Variants in CAPN8 observed in about 807,000 individuals in gnomAD.
CAPN8 encodes calpain-8.
Under a neutral mutation model 80.9 loss-of-function variants are expected in CAPN8, and 87 were observed. That is an observed-to-expected ratio of 1.07 (90% CI 0.90 to 1.28). The LOEUF is 1.28. Ranked by LOEUF, CAPN8 falls within the 50% of genes most tolerant of loss-of-function variation. The pLI is 0.00. For synonymous variants in CAPN8, 299 were observed against 273.8 expected (o/e 1.09, Z -0.91); for missense variants, 757 against 702.0 (o/e 1.08, Z -0.89).
In CAPN8 at chr1:223,622,798, G is replaced by C. The variant is rs978726414; in HGVS notation, c.899+17C>G. 30 of 1,544,556 alleles carry C rather than the reference G, an allele frequency of 1.9e-5. No individual in the cohort carries two copies. Among genetic ancestry groups the C allele is most frequent in the Non-Finnish European group, 2.5e-5 (28 of 1,140,514 alleles). On this transcript the variant is annotated intron_variant, in intron 7 of 20. Transcript: ENST00000366872. ...CAGAGGGAGAGATGACTGGAGAAGCGGGGGAAAAAAACCTACTCATCGCTC... is the reference window on the plus strand; with the variant it reads ...CAGAGGGAGAGATGACTGGAGAAGCCGGGGAAAAAAACCTACTCATCGCTC...
In CAPN8 at chr1:223,612,246, C is replaced by G. The variant is rs1657047138; in HGVS notation, c.1323G>C (p.Glu441Asp). 8.1e-7 allele frequency: 1 copy of G among 1,234,182 alleles called. No homozygotes were observed. The highest frequency in any genetic ancestry group is 4.1e-5 in the South Asian group (1 of 24,414). 76.5% of individuals were successfully genotyped at this position (1,234,182 alleles called of 1,614,324 possible). ...GGAATCTCTGTCAGCACTCACATAC[C>G]TCCTTGGGAACCTGTGGGGCAGAAG... is the stretch of plus-strand genomic sequence containing the variant. The part of the protein sequence containing the change: ...IGYAVYQVPK[E>D]LESHTDAHLG... The change falls in exon 11 of 21, where the codon GAG (glutamate) becomes GAC (aspartate). Residue 441 changes from glutamate to aspartate, a missense_variant and splice_region_variant. Glu to Asp is a conservative substitution (Grantham distance 45). Transcript: ENST00000366872.
intron 1 of CAPN8, among the ~76,000 whole-genome samples, chr1:223,663,087 C>T (rs1658693048): frequency 6.6e-6 from 1 of 152,200 alleles, no homozygotes; most frequent in South Asian, 2.1e-4. Flanking sequence ...TTCAATTGCA[C>T]CTTCCGCATT....
chr1:223,638,272 A>G lies in CAPN8; in HGVS notation c.308-9492T>C, dbSNP rs111737235. Among the ~76,000 whole-genome samples the G allele has an allele frequency of 4.7e-3, 714 of 152,302 alleles. 8 individuals are homozygous for G. Among genetic ancestry groups the G allele is most frequent in the African/African-American group, 0.017 (696 of 41,564 alleles). On this transcript the variant is annotated intron_variant, in intron 2 of 20. Transcript: ENST00000366872. ...GCTATCTGCAAATACTACATCATTC[A>G]TATCAGGGACTTGAGCATCTGTGGA...
chr1:223,651,449 TC>T (rs1658339847), intron 2 of CAPN8, among the ~76,000 whole-genome samples: 1 of 152,192 alleles, frequency 6.6e-6, no homozygotes, highest in African/African-American at 2.4e-5. Flanking sequence ...AAATATGTCT[TC>T]AAGAAAAGCC....
chr1:223,649,412 G>A (rs1236746767), intron 2 of CAPN8, among the ~76,000 whole-genome samples: 2 of 152,176 alleles, frequency 1.3e-5, no homozygotes, highest in Non-Finnish European at 1.5e-5. Flanking sequence ...TGAGCACTGT[G>A]TTCCTTTTTC....
intron 5 of CAPN8, among the ~76,000 whole-genome samples, chr1:223,626,140 C>T (rs568412682): frequency 6.6e-6 from 1 of 152,278 alleles, no homozygotes; most frequent in East Asian, 1.9e-4. Context: ...AAAATGCCAC[C>T]AAGAAACTGG....
rs1324698672 is a variant in CAPN8 at position 223,620,275 on chromosome 1, A to G, written c.900-9T>C. ...GATTCCACTCTGGTGCACTGAGGGG[A>G]AAACAAGCAGAGATGCTCGCTCCTG... On this transcript the variant is annotated splice_polypyrimidine_tract_variant and intron_variant, in intron 7 of 20. Transcript: ENST00000366872. 1 of 1,551,266 alleles carries G rather than the reference A, an allele frequency of 6.4e-7. No homozygotes were observed.
intron 2 of CAPN8, among the ~76,000 whole-genome samples, chr1:223,641,349 CT>C (rs1658034438): frequency 7.9e-6 from 1 of 127,154 alleles, no homozygotes; most frequent in African/African-American, 3.0e-5. Context: ...AAGTAAGATA[CT>C]GATCAAGCCT....
chr1:223,633,055 G>C (rs1022714001), intron 2 of CAPN8, among the ~76,000 whole-genome samples: 1 of 152,208 alleles, frequency 6.6e-6, no homozygotes, highest in African/African-American at 2.4e-5. Flanking sequence ...AGCACAGTGT[G>C]AGTCTAGCTC....
intron 1 of CAPN8, among the ~76,000 whole-genome samples, chr1:223,659,967 C>T (rs528620389): frequency 6.6e-6 from 1 of 152,260 alleles, no homozygotes; most frequent in East Asian, 1.9e-4. Context: ...CAAAGCTCCA[C>T]AAAGACTCCT....
intron 2 of CAPN8, chr1:223,642,563 G>A (rs1658073307): frequency 3.1e-6 from 1 of 326,250 alleles, no homozygotes; most frequent in South Asian, 2.5e-5. Flanking sequence ...TCTGGGCCAG[G>A]GGGGTCTTCG....
chr1:223,624,137 G>A (rs965369587), intron 6 of CAPN8, among the ~76,000 whole-genome samples: 5 of 152,262 alleles, frequency 3.3e-5, no homozygotes, highest in Admixed American at 3.3e-4. Context: ...GAGTGAAGTG[G>A]TGCAATCACT....
At chr1:223,549,531 C>A in intron 15 of CAPN8, 149 bp from the exon 16 acceptor site, 1 of 1,242,654 alleles carries the variant, frequency 8.0e-7, no homozygotes, top group Non-Finnish European at 1.1e-6. Flanking sequence ...TCATGGCAGG[C>A]TTGTGGGCAG....
At position 223,665,566 on chromosome 1, in the gene CAPN8, G is replaced by A. The variant is rs1404034024; in HGVS notation, c.81C>T (p.Tyr27=). 1 of 1,551,702 alleles carries A rather than the reference G, an allele frequency of 6.4e-7. No homozygotes were observed. The highest frequency in any genetic ancestry group is 2.0e-5 in the Admixed American group (1 of 51,002). ...TCAGGGTCTTGAAATCCTGGCCCAA[G>A]TACTTCAAAGCGTTTTGGTTGGAGC... ...GLGSNQNALK[Y]LGQDFKTLRQ... is the part of the protein sequence containing the mutation. Residue 27 remains tyrosine (Y), a synonymous_variant, in exon 1 of 21, where the codon TAC becomes TAT. Coordinates refer to ENST00000366872, the MANE Select transcript of CAPN8 (RefSeq NM_001143962.2).
In CAPN8 at chr1:223,649,795, A is replaced by G. The variant is rs73127611; in HGVS notation, c.307+4535T>C. Among the ~76,000 whole-genome samples the G allele has an allele frequency of 4.9e-3, 749 of 152,316 alleles. 9 individuals are homozygous for G. The highest frequency in any genetic ancestry group is 0.016 in the African/African-American group (678 of 41,558). On this transcript the variant is annotated intron_variant, in intron 2 of 20. Transcript: ENST00000366872. ...ACACCAACAGATCAAAAGTGCAACA[A>G]ACATTTATGGAGCCCTGCTAGGTAC...
At chr1:223,652,676 C>T (rs1571738504) in intron 2 of CAPN8, among the ~76,000 whole-genome samples, 1 of 152,140 alleles carries the variant, frequency 6.6e-6, no homozygotes. Flanking sequence ...TGTGAATCTC[C>T]TCTTCTACTG....
intron 2 of CAPN8, among the ~76,000 whole-genome samples, chr1:223,633,444 T>C (rs1190981375): frequency 1.3e-5 from 2 of 150,562 alleles, no homozygotes; most frequent in South Asian, 4.2e-4. Context: ...GGTGGATCAC[T>C]TGAGGTCAGG....
intron 8 of CAPN8, 106 bp from the exon 9 acceptor site, chr1:223,619,559 C>T (rs1049475174): frequency 1.7e-6 from 2 of 1,206,524 alleles, no homozygotes; most frequent in African/African-American, 1.5e-5. Flanking sequence ...CCCTAGAGGC[C>T]GTGGGCTAGC....
At chr1:223,551,392 C>T (rs977000085) in intron 14 of CAPN8, among the ~76,000 whole-genome samples, 2 of 152,192 alleles carry the variant, frequency 1.3e-5, no homozygotes, top group Non-Finnish European at 2.9e-5. Context: ...CTGCCCACCT[C>T]AGCCTCCCAG....
Sources: allele counts gnomAD v4.1 joint callset (sites outside exome capture counted in the v4.1 genomes callset), GRCh38; gene constraint gnomAD v4.1.1; transcripts MANE v1.5; gene names NCBI Gene and HGNC (gene_info 2026-07-23, HGNC 2026-07-21).